PTCHD4: variants seen among roughly 807,000 people sequenced by gnomAD.
The protein encoded by PTCHD4 is patched domain-containing protein 4.
In PTCHD4, 33 loss-of-function variants were observed where a neutral mutation model predicts 58.1. That is an observed-to-expected ratio of 0.57 (90% CI 0.43 to 0.76). The LOEUF is 0.76. Among genes scored for constraint, PTCHD4 ranks in the 30% least tolerant of loss-of-function variants. PTCHD4 has a pLI of 0.00. For missense variants in PTCHD4, 1,058 were observed against 1,027.1 expected, an observed-to-expected ratio of 1.03 and a Z score of -0.41; for synonymous variants, 478 against 409.6, an observed-to-expected ratio of 1.17 and a Z score of -2.02.
intron 1 of PTCHD4, among the ~76,000 whole-genome samples, chr6:48,093,249 C>A (rs1765401598): frequency 6.6e-6 from 1 of 152,006 alleles, no homozygotes; most frequent in African/African-American, 2.4e-5. Context: ...TACTTCAAAC[C>A]CCTTCATTTT....
At chr6:47,969,200 C>T (rs898418353) in intron 4 of PTCHD4, among the ~76,000 whole-genome samples, 9 of 152,108 alleles carry the variant, frequency 5.9e-5, no homozygotes, top group Admixed American at 2.6e-4. Flanking sequence ...CTATTCATCC[C>T]GTAAACTTCA....
intron 3 of PTCHD4, among the ~76,000 whole-genome samples, chr6:48,009,907 A>T (rs1762606463): frequency 6.6e-6 from 1 of 152,196 alleles, no homozygotes; most frequent in Non-Finnish European, 1.5e-5. Flanking sequence ...AGTAGGCAAG[A>T]TCATGAGAGT....
intron 4 of PTCHD4, among the ~76,000 whole-genome samples, chr6:47,940,414 A>T (rs1464883444): frequency 6.6e-6 from 1 of 152,174 alleles, no homozygotes; most frequent in East Asian, 1.9e-4. Context: ...TTTCCTAAAA[A>T]AATTATTTAA....
At chr6:47,969,477 A>T (rs1349910216) in intron 4 of PTCHD4, among the ~76,000 whole-genome samples, 1 of 152,226 alleles carries the variant, frequency 6.6e-6, no homozygotes, top group Non-Finnish European at 1.5e-5. Flanking sequence ...AAGATTTTTT[A>T]AATTTATACT....
At chr6:48,022,814 CA>C (rs1273217644) in intron 3 of PTCHD4, among the ~76,000 whole-genome samples, 5 of 151,872 alleles carry the variant, frequency 3.3e-5, no homozygotes, top group African/African-American at 1.2e-4. Context: ...AACTCAAAAG[CA>C]AAGTGTATGT....
At chr6:48,099,854 A>C (rs988213537) in intron 1 of PTCHD4, among the ~76,000 whole-genome samples, 139 of 152,224 alleles carry the variant, frequency 9.1e-4, no homozygotes, top group Non-Finnish European at 5.0e-4. Context: ...GTGCATGTTT[A>C]CTATGCAAAC....
At chr6:47,942,751 A>T (rs1280406300) in intron 4 of PTCHD4, among the ~76,000 whole-genome samples, 1 of 152,212 alleles carries the variant, frequency 6.6e-6, no homozygotes, top group Admixed American at 6.5e-5. Flanking sequence ...AAAATGAGGT[A>T]CACTTTTTGT....
intron 3 of PTCHD4, among the ~76,000 whole-genome samples, chr6:48,029,499 C>A (rs1411816844): frequency 1.3e-5 from 2 of 152,030 alleles, no homozygotes; most frequent in Non-Finnish European, 2.9e-5. Flanking sequence ...ATTCCTATGG[C>A]TTTTCTGCTT....
intron 3 of PTCHD4, among the ~76,000 whole-genome samples, chr6:48,025,135 C>T (rs1188691786): frequency 1.3e-5 from 2 of 152,126 alleles, no homozygotes; most frequent in East Asian, 3.9e-4. Flanking sequence ...TGTAACATGT[C>T]ACAGACATCA....
At chr6:47,906,493 T>C (rs1000170581) in intron 4 of PTCHD4, among the ~76,000 whole-genome samples, 2 of 152,128 alleles carry the variant, frequency 1.3e-5, no homozygotes, top group Non-Finnish European at 2.9e-5. Flanking sequence ...CTCTGGTTCT[T>C]TTGAGGGGTG....
intron 3 of PTCHD4, among the ~76,000 whole-genome samples, chr6:48,064,542 T>C (rs1266069368): frequency 6.6e-6 from 1 of 152,142 alleles, no homozygotes; most frequent in African/African-American, 2.4e-5. Context: ...GTATGATGTG[T>C]ATATTTTAAT....
rs557907885 is a variant in PTCHD4 at position 47,862,037 on chromosome 6, C to T, written c.*16266G>A. Among the ~76,000 whole-genome samples the T allele has an allele frequency of 3.3e-5, 5 of 151,950 alleles. No homozygotes were observed. In the South Asian group the frequency reaches 1.0e-3, roughly 32 times the overall value. ...TCCTATTATTGAACATAACCCAGTA[C>T]TCTAAGTATTCGAATTTAATACAAA... On this transcript the variant is annotated 3_prime_UTR_variant, in exon 5 of 5. Transcript: ENST00000339488.
chr6:47,962,491 A>C (rs890429894), intron 4 of PTCHD4, among the ~76,000 whole-genome samples: 1 of 152,100 alleles, frequency 6.6e-6, no homozygotes, highest in Non-Finnish European at 1.5e-5. Flanking sequence ...TAATTGAATC[A>C]TGCATGGGGC....
intron 4 of PTCHD4, among the ~76,000 whole-genome samples, chr6:47,881,440 T>C (rs73736535): frequency 0.034 from 5,145 of 152,256 alleles, 315 homozygotes; most frequent in African/African-American, 0.12. Flanking sequence ...CTAAGGATGC[T>C]TGTTAGAAAA....
chr6:47,917,717 T>C (rs761278089), intron 4 of PTCHD4, among the ~76,000 whole-genome samples: 9 of 152,292 alleles, frequency 5.9e-5, no homozygotes, highest in Admixed American at 2.6e-4. Context: ...TGTGGAGTTA[T>C]TGGAAGTTTG....
At chr6:47,962,581 C>T (rs11967130) in intron 4 of PTCHD4, among the ~76,000 whole-genome samples, 2 of 152,070 alleles carry the variant, frequency 1.3e-5, no homozygotes, top group African/African-American at 2.4e-5. Flanking sequence ...AGGGGCTCTT[C>T]CCCGTTCACT....
At chr6:47,993,090 C>T (rs1441089932) in intron 4 of PTCHD4, among the ~76,000 whole-genome samples, 4 of 152,122 alleles carry the variant, frequency 2.6e-5, no homozygotes, top group Non-Finnish European at 5.9e-5. Context: ...GACAGGCAGC[C>T]TCTTTTATAT....
chr6:47,880,686 A>G (rs888350851), intron 4 of PTCHD4, among the ~76,000 whole-genome samples: 6 of 152,278 alleles, frequency 3.9e-5, no homozygotes, highest in Admixed American at 2.0e-4. Context: ...AAGTGAATGA[A>G]GAATACTTGT....
intron 3 of PTCHD4, among the ~76,000 whole-genome samples, chr6:48,009,361 A>G (rs1762589243): frequency 1.3e-5 from 2 of 152,236 alleles, no homozygotes; most frequent in South Asian, 4.1e-4. Flanking sequence ...TGCCACATGC[A>G]TAGAGAAACG....
Sources: allele counts gnomAD v4.1 joint callset (sites outside exome capture counted in the v4.1 genomes callset), GRCh38; gene constraint gnomAD v4.1.1; transcripts MANE v1.5; gene names NCBI Gene and HGNC (gene_info 2026-07-23, HGNC 2026-07-21).